Variants in GALNT13 observed in about 807,000 individuals in gnomAD.
The protein encoded by GALNT13 is UDP-GalNAc:polypeptide N-acetylgalactosaminyltransferase 13.
A neutral mutation model predicts 64.2 loss-of-function variants in GALNT13; 28 were observed. The ratio of observed to expected loss-of-function variants is 0.44; its 90% CI spans 0.32 to 0.60. GALNT13 has a LOEUF of 0.60. Among genes scored for constraint, GALNT13 ranks in the 20% least tolerant of loss-of-function variants. The pLI, the probability that GALNT13 is intolerant of heterozygous loss-of-function variation, is 0.05. For missense variants in GALNT13, 577 were observed against 669.8 expected (o/e 0.86, Z 1.53); for synonymous variants, 214 against 224.6 (o/e 0.95, Z 0.42).
the GALNT13 span, among the ~76,000 whole-genome samples, chr2:153,723,937 A>G: frequency 3.3e-5 from 5 of 150,962 alleles, no homozygotes; most frequent in Non-Finnish European, 2.9e-5. Context: ...CTTTCTTCAC[A>G]GAATTGAAAA....
chr2:154,014,635 C>CTTTTTTTTTTT lies in GALNT13; in HGVS notation c.142+70001_142+70011dup, dbSNP rs60950180. Among the ~76,000 whole-genome samples the CTTTTTTTTTTT allele has an allele frequency of 8.4e-3, 646 of 77,152 alleles. 96 individuals are homozygous for CTTTTTTTTTTT. Among genetic ancestry groups the CTTTTTTTTTTT allele is most frequent in the East Asian group, 0.028 (96 of 3,392 alleles). The allele number at this position is 77,152 out of a possible 152,430, so 50.6% of individuals were successfully genotyped here. A position where few individuals can be genotyped will look rare whatever the true frequency, so the allele number is the denominator to read the frequency against. On this transcript the variant is annotated intron_variant, in intron 3 of 12. Coordinates refer to ENST00000392825, the MANE Select transcript of GALNT13 (RefSeq NM_052917.4). ...ACTTTTTGTCTTTCTGATAATTCTC[C>CTTTTTTTTTTT]TTTTTTTTTTTTTTTGAGACGGAGT... is the stretch of plus-strand genomic sequence containing the variant.
At chr2:153,823,885 T>C in the GALNT13 span, among the ~76,000 whole-genome samples, 1 of 152,142 alleles carries the variant, frequency 6.6e-6, no homozygotes, top group Non-Finnish European at 1.5e-5. Context: ...AGTTTTAATA[T>C]CTTGAATCAA....
At chr2:154,155,575 T>C (rs1684365475) in intron 4 of GALNT13, among the ~76,000 whole-genome samples, 1 of 152,058 alleles carries the variant, frequency 6.6e-6, no homozygotes. Context: ...AGGGAAAATG[T>C]GATTTTATAG....
chr2:154,449,887 T>C (rs1475756680), intron 12 of GALNT13, among the ~76,000 whole-genome samples: 1 of 152,036 alleles, frequency 6.6e-6, no homozygotes, highest in Non-Finnish European at 1.5e-5. Context: ...AGACAGATTA[T>C]TTTTTGCTCT....
At chr2:154,190,408 TG>T (rs1686510627) in intron 4 of GALNT13, among the ~76,000 whole-genome samples, 1 of 152,212 alleles carries the variant, frequency 6.6e-6, no homozygotes, top group Admixed American at 6.5e-5. Context: ...GTGATTAACA[TG>T]CTGGGTTAAA....
the GALNT13 span, among the ~76,000 whole-genome samples, chr2:153,311,797 C>A: frequency 6.6e-6 from 1 of 152,226 alleles, no homozygotes; most frequent in Non-Finnish European, 1.5e-5. Flanking sequence ...CCCAGAATTT[C>A]TGCCATACTC....
At chr2:153,775,808 A>G in the GALNT13 span, among the ~76,000 whole-genome samples, 2 of 152,152 alleles carry the variant, frequency 1.3e-5, no homozygotes, top group African/African-American at 2.4e-5. Context: ...ACACTGAATA[A>G]TATTGAATGA....
the GALNT13 span, among the ~76,000 whole-genome samples, chr2:153,836,655 C>T: frequency 7.4e-6 from 1 of 135,218 alleles, no homozygotes; most frequent in Non-Finnish European, 1.6e-5. Context: ...CTATCCCTCC[C>T]CCTCCCCCCT....
chr2:154,367,956 T>C (rs991965577), intron 9 of GALNT13, among the ~76,000 whole-genome samples: 1 of 152,166 alleles, frequency 6.6e-6, no homozygotes, highest in African/African-American at 2.4e-5. Context: ...ATTCTCACAA[T>C]ATTTTCAGAA....
the GALNT13 span, among the ~76,000 whole-genome samples, chr2:153,356,920 C>T: frequency 3.3e-5 from 5 of 151,446 alleles, no homozygotes; most frequent in African/African-American, 1.2e-4. Flanking sequence ...GCCTCAGCCT[C>T]CCGAGTAGCT....
the GALNT13 span, among the ~76,000 whole-genome samples, chr2:153,816,720 CA>C: frequency 6.6e-6 from 1 of 152,134 alleles, no homozygotes. Flanking sequence ...GGATCTATAG[CA>C]AGAGACAAAT....
the GALNT13 span, among the ~76,000 whole-genome samples, chr2:153,832,215 G>A: frequency 0.71 from 107,779 of 152,032 alleles, 40,003 homozygotes; most frequent in Non-Finnish European, 0.81. Context: ...AGAAGGCATA[G>A]TGGAGACTAA....
chr2:153,123,135 A>G, the GALNT13 span, among the ~76,000 whole-genome samples: 1 of 152,206 alleles, frequency 6.6e-6, no homozygotes, highest in Admixed American at 6.5e-5. Context: ...AGACACAGGG[A>G]TGAATGCCAT....
chr2:153,746,265 C>CCCTA, the GALNT13 span, among the ~76,000 whole-genome samples: 1 of 152,014 alleles, frequency 6.6e-6, no homozygotes, highest in Non-Finnish European at 1.5e-5. Flanking sequence ...TAATACCAGC[C>CCCTA]CCTAGTAAGT....
At chr2:154,435,415 A>G (rs763201636) in intron 11 of GALNT13, among the ~76,000 whole-genome samples, 11 of 152,306 alleles carry the variant, frequency 7.2e-5, no homozygotes, top group South Asian at 4.1e-4. Flanking sequence ...ACACATACTA[A>G]CTGAGAGTGT....
chr2:153,683,627 G>A, the GALNT13 span, among the ~76,000 whole-genome samples: 2 of 151,662 alleles, frequency 1.3e-5, no homozygotes, highest in Non-Finnish European at 3.0e-5. Context: ...ATGAGTAGAT[G>A]AGATTAACGT....
chr2:153,210,583 A>G, the GALNT13 span, among the ~76,000 whole-genome samples: 2 of 152,190 alleles, frequency 1.3e-5, no homozygotes, highest in African/African-American at 2.4e-5. Flanking sequence ...TTGTACCTAC[A>G]TTCGTCACAC....
the GALNT13 span, among the ~76,000 whole-genome samples, chr2:153,485,152 G>A: frequency 6.6e-6 from 1 of 152,050 alleles, no homozygotes; most frequent in Admixed American, 6.6e-5. Flanking sequence ...TTATGTTCAG[G>A]TTCTTTGTCT....
chr2:153,640,949 G>T, the GALNT13 span, among the ~76,000 whole-genome samples: 3 of 151,884 alleles, frequency 2.0e-5, no homozygotes. Context: ...TCTTCATCTT[G>T]TCAGGAGACC....
Sources: allele counts gnomAD v4.1 joint callset (sites outside exome capture counted in the v4.1 genomes callset), GRCh38; gene constraint gnomAD v4.1.1; transcripts MANE v1.5; gene names NCBI Gene and HGNC (gene_info 2026-07-23, HGNC 2026-07-21).